Variants in DPF3 observed in about 807,000 individuals in gnomAD.
DPF3 encodes double PHD fingers 3.
In DPF3, 18 loss-of-function variants were observed where a neutral mutation model predicts 56.8. The ratio of observed to expected loss-of-function variants is 0.32; its 90% CI spans 0.22 to 0.47. The LOEUF (loss-of-function observed/expected upper bound fraction) is 0.47, where lower values mean the gene tolerates loss of function less well. DPF3 is among the 20% of genes least tolerant of loss of function. The probability of loss-of-function intolerance (pLI) is 1.00; values close to 1 mark genes in which losing one functional copy is unlikely to be tolerated. For missense variants in DPF3, 403 were observed against 488.8 expected (o/e 0.82, Z 1.65); for synonymous variants, 188 against 180.2 (o/e 1.04, Z -0.35).
chr14:72,769,055 C>G (rs1181145555), intron 2 of DPF3, among the ~76,000 whole-genome samples: 1 of 151,218 alleles, frequency 6.6e-6, no homozygotes, highest in East Asian at 1.9e-4. Context: ...AATTAAGATA[C>G]TTAAGTAAAA....
rs1051519648 is a variant in DPF3 at position 72,609,772 on chromosome 14, G to C, written c.*9525C>G. Among the ~76,000 whole-genome samples the C allele has an allele frequency of 3.9e-5, 6 of 152,126 alleles. No individual in the cohort carries two copies. The highest frequency in any genetic ancestry group is 1.4e-4 in the African/African-American group (6 of 41,430). On this transcript the variant is annotated 3_prime_UTR_variant, in exon 11 of 11. Transcript: ENST00000556509. Reference sequence around the variant, plus strand: ...TGTCGTTGCTTTTTAGAGAAGCCAGGGTGGGCCAAATGGAGATATTGTCTC... The same window carrying C: ...TGTCGTTGCTTTTTAGAGAAGCCAGCGTGGGCCAAATGGAGATATTGTCTC...
At chr14:72,764,570 GCTCCGCCTCC>G (rs1248852414) in intron 2 of DPF3, among the ~76,000 whole-genome samples, 3 of 124,972 alleles carry the variant, frequency 2.4e-5, no homozygotes, top group African/African-American at 9.0e-5. Context: ...CTCACTGCAA[GCTCCGCCTCC>G]CGGGTTCACG....
At chr14:72,718,509 C>A (rs901478416) in intron 5 of DPF3, among the ~76,000 whole-genome samples, 2 of 152,182 alleles carry the variant, frequency 1.3e-5, no homozygotes. Context: ...CCAGAGGCGA[C>A]ATGACACGTG....
intron 1 of DPF3, among the ~76,000 whole-genome samples, chr14:72,830,061 T>C (rs908891301): frequency 6.6e-6 from 1 of 152,220 alleles, no homozygotes; most frequent in Admixed American, 6.5e-5. Context: ...CCAAGATATT[T>C]CTAACAACAA....
At chr14:72,823,833 C>T (rs1272422673) in intron 1 of DPF3, among the ~76,000 whole-genome samples, 1 of 152,170 alleles carries the variant, frequency 6.6e-6, no homozygotes, top group African/African-American at 2.4e-5. Context: ...GACAGGCACC[C>T]AGTGGCAATC....
chr14:72,774,246 A>G lies in DPF3; in HGVS notation c.33-2353T>C, dbSNP rs551960432. Among the ~76,000 whole-genome samples, 5 of 134,044 alleles carry G rather than the reference A, an allele frequency of 3.7e-5. No individual in the cohort carries two copies. In the South Asian group the frequency reaches 1.4e-3, roughly 37 times the overall value. The allele number at this position is 134,044 out of a possible 152,430, so 87.9% of individuals were successfully genotyped here. A position where few individuals can be genotyped will look rare whatever the true frequency, so the allele number is the denominator to read the frequency against. On this transcript the variant is annotated intron_variant, in intron 1 of 10. Coordinates refer to ENST00000556509, the MANE Select transcript of DPF3 (RefSeq NM_001280542.3). ...GCCACTGCACTCCAGCCTGGGCGAC[A>G]GGGTGAGACTCTGTCTAAAAAAAAA... is the stretch of plus-strand genomic sequence containing the variant.
intron 3 of DPF3, among the ~76,000 whole-genome samples, chr14:72,732,896 C>T (rs1262170791): frequency 6.6e-6 from 1 of 150,956 alleles, no homozygotes; most frequent in Non-Finnish European, 1.5e-5. Flanking sequence ...TTTCTCTCTC[C>T]CTTCTTTCTT....
At chr14:72,790,987 C>T (rs1201969820) in intron 1 of DPF3, among the ~76,000 whole-genome samples, 1 of 152,124 alleles carries the variant, frequency 6.6e-6, no homozygotes, top group Non-Finnish European at 1.5e-5. Context: ...TGGCAGGTGC[C>T]GAGAGAGGGA....
chr14:72,702,391 GTC>G (rs1189903891), intron 6 of DPF3, among the ~76,000 whole-genome samples: 1 of 152,070 alleles, frequency 6.6e-6, no homozygotes, highest in Non-Finnish European at 1.5e-5. Context: ...GGAACCCCAT[GTC>G]TCCCCTGCTC....
chr14:72,801,630 G>C (rs1296445859), intron 1 of DPF3, among the ~76,000 whole-genome samples: 1 of 152,170 alleles, frequency 6.6e-6, no homozygotes, highest in Non-Finnish European at 1.5e-5. Context: ...AATTCTTCCA[G>C]GGACTGCCAA....
intron 1 of DPF3, among the ~76,000 whole-genome samples, chr14:72,774,249 G>A (rs1891664294): frequency 7.1e-6 from 1 of 140,916 alleles, no homozygotes. Flanking sequence ...GGGCGACAGG[G>A]TGAGACTCTG....
Position 72,843,109 on chromosome 14 carries a change from A to G in DPF3, c.32+50948T>C, listed in dbSNP as rs543955434. 4.6e-5 allele frequency among the ~76,000 whole-genome samples: 7 copies of G among 152,332 alleles called. No homozygotes were observed. In the South Asian group the frequency reaches 1.4e-3, roughly 32 times the overall value. On this transcript the variant is annotated intron_variant, in intron 1 of 10. Coordinates refer to ENST00000556509, the MANE Select transcript of DPF3 (RefSeq NM_001280542.3). The stretch of plus-strand genomic sequence containing the variant: ...TGGAGCCATATTTTATTTGTCATGT[A>G]TCATTCCGGGGAGCTCTCCTCTGTC...
chr14:72,862,593 C>G (rs114814938), intron 1 of DPF3, among the ~76,000 whole-genome samples: 2 of 152,054 alleles, frequency 1.3e-5, no homozygotes, highest in African/African-American at 4.8e-5. Context: ...CCAAAGTGCT[C>G]CTATTCCTCC....
At chr14:72,732,452 G>C (rs1189612065) in intron 3 of DPF3, among the ~76,000 whole-genome samples, 4 of 152,164 alleles carry the variant, frequency 2.6e-5, no homozygotes, top group African/African-American at 9.7e-5. Context: ...GGCCATGCTG[G>C]CTGCCCAGCT....
chr14:72,679,856 G>C (rs557325132), intron 7 of DPF3, among the ~76,000 whole-genome samples: 5 of 152,258 alleles, frequency 3.3e-5, no homozygotes, highest in Non-Finnish European at 5.9e-5. Flanking sequence ...CAGGCGGGAC[G>C]TGCTGGCTAG....
At chr14:72,808,607 T>A (rs1882895191) in intron 1 of DPF3, among the ~76,000 whole-genome samples, 1 of 152,184 alleles carries the variant, frequency 6.6e-6, no homozygotes, top group Admixed American at 6.5e-5. Flanking sequence ...CGCCATTTAC[T>A]CTTAGGATGA....
At position 72,615,234 on chromosome 14, in the gene DPF3, G is replaced by A. The variant is rs1356737140; in HGVS notation, c.*4063C>T. Among the ~76,000 whole-genome samples the A allele has an allele frequency of 2.0e-5, 3 of 152,076 alleles. No individual in the cohort carries two copies. The highest frequency in any genetic ancestry group is 7.2e-5 in the African/African-American group (3 of 41,398). On this transcript the variant is annotated 3_prime_UTR_variant, in exon 11 of 11. Coordinates refer to ENST00000556509, the MANE Select transcript of DPF3 (RefSeq NM_001280542.3). ...TCAGGGCCCGCCCTGGGCCACGGGC[G>A]GCGCAACACCCCCTACCTCCTCACA...
chr14:72,731,894 C>A lies in DPF3; in HGVS notation c.342G>T (p.Glu114Asp). 1 of 1,604,372 alleles carries A rather than the reference C, an allele frequency of 6.2e-7. No individual in the cohort carries two copies. Among genetic ancestry groups the A allele is most frequent in the Non-Finnish European group, 8.5e-7 (1 of 1,175,402 alleles). The part of the protein sequence containing the change: ...LPLKKDGFTS[E>D]STTLEALLRG... Reference sequence around the variant, plus strand: ...GGAGCAAGGCTTCCAGCGTGGTGCTCTCTGAGGTGAACCCATCCTTCTTCA... The same window carrying A: ...GGAGCAAGGCTTCCAGCGTGGTGCTATCTGAGGTGAACCCATCCTTCTTCA... The change falls in exon 4 of 11, where the codon GAG becomes GAT. Residue 114 changes from glutamate (E) to aspartate (D), a missense_variant. By Grantham distance (45) the Glu-to-Asp change is conservative (BLOSUM62 2). This residue lies in a region of DPF3 where 340 missense variants were observed against 374.3 expected (regional missense o/e 0.91). Coordinates refer to ENST00000556509, the MANE Select transcript of DPF3 (RefSeq NM_001280542.3).
intron 8 of DPF3, among the ~76,000 whole-genome samples, chr14:72,633,674 T>C (rs541977664): frequency 6.6e-6 from 1 of 152,268 alleles, no homozygotes; most frequent in South Asian, 2.1e-4. Context: ...GCTACCCTAC[T>C]AATAATAACA....
Sources: gnomAD v4.1 joint callset for allele counts (sites outside exome capture counted in the v4.1 genomes callset) on GRCh38, gnomAD v4.1.1 for gene constraint, gnomAD v4.1.1 regional missense constraint, MANE v1.5 for transcripts, NCBI Gene and HGNC (gene_info 2026-07-23, HGNC 2026-07-21) for gene names.